The following RSRP1 variants were observed in gnomAD, a reference collection of about 807,000 sequenced individuals.
RSRP1 encodes arginine and serine rich protein 1, also known as arginine/serine-rich protein 1.
A neutral mutation model predicts 33.0 loss-of-function variants in RSRP1; 37 were observed. The observed-to-expected ratio is 1.12, with a 90% CI of 0.86 to 1.48. The LOEUF is 1.48. RSRP1 is among the 40% of genes most tolerant of loss of function. RSRP1 has a pLI of 0.00. For synonymous variants in RSRP1, 167 were observed against 158.7 expected (o/e 1.05, Z -0.40); for missense variants, 402 against 385.3 (o/e 1.04, Z -0.36).
At chr1:25,274,282 C>T (rs1337856932) in intron 1 of RSRP1, among the ~76,000 whole-genome samples, 4 of 131,858 alleles carry the variant, frequency 3.0e-5, no homozygotes, top group East Asian at 1.9e-4. Context: ...AATAGCACAG[C>T]GTATTTAAAT....
chr1:25,260,195 G>A (rs1381993019), intron 1 of RSRP1, among the ~76,000 whole-genome samples: 1 of 152,166 alleles, frequency 6.6e-6, no homozygotes, highest in African/African-American at 2.4e-5. Flanking sequence ...CTACTATGGG[G>A]AATCTTGTTT....
Position 25,303,659 on chromosome 1 carries a change from A to C in RSRP1, c.-67+34319T>G, listed in dbSNP as rs551158005. Among the ~76,000 whole-genome samples, 111 of 131,244 alleles carry C rather than the reference A, an allele frequency of 8.5e-4. 18 individuals carry two copies. The highest frequency in any genetic ancestry group is 2.7e-3 in the African/African-American group (103 of 38,190). 86.1% of individuals were successfully genotyped at this position (131,244 alleles called of 152,430 possible). On this transcript the variant is annotated intron_variant, in intron 1 of 1. Coordinates refer to the RSRP1 transcript ENST00000561867. ...TGCTCGGGAGCAGGTGGCAGAACCCATTTGAGCTTGCTTGGGCATTGGGGA... is the reference window on the plus strand; with the variant it reads ...TGCTCGGGAGCAGGTGGCAGAACCCCTTTGAGCTTGCTTGGGCATTGGGGA...
rs28600917 is a variant in RSRP1, at chr1:25,315,590, A to G, written c.-67+22388T>C. On this transcript the variant is annotated intron_variant, in intron 1 of 1. Coordinates refer to the RSRP1 transcript ENST00000561867. ...CAGCTCACTGCAAACTCCACCTCCCAGGTTCACGCCGTTCTCCTGCCTCAG... is the reference window on the plus strand; with the variant it reads ...CAGCTCACTGCAAACTCCACCTCCCGGGTTCACGCCGTTCTCCTGCCTCAG... 8.3e-4 allele frequency among the ~76,000 whole-genome samples: 101 copies of G among 121,194 alleles called. 22 individuals carry two copies. The highest frequency in any genetic ancestry group is 4.3e-3 in the Middle Eastern group (1 of 230). The allele number at this position is 121,194 out of a possible 152,430, so 79.5% of individuals were successfully genotyped here.
intron 1 of RSRP1, among the ~76,000 whole-genome samples, chr1:25,316,230 A>AG (rs1644431414): frequency 7.7e-6 from 1 of 130,006 alleles, no homozygotes; most frequent in Non-Finnish European, 1.8e-5. Context: ...TTCAAGGGGT[A>AG]GGGATGGGCA....
At chr1:25,272,633 A>G (rs767901409) in intron 1 of RSRP1, 8 of 1,573,480 alleles carry the variant, frequency 5.1e-6, no homozygotes, top group African/African-American at 2.8e-5. Flanking sequence ...CTCCTCTTCT[A>G]TTTTTTTACC....
upstream of RSRP1, among the ~76,000 whole-genome samples, chr1:25,248,961 C>T (rs1050854711): frequency 2.0e-5 from 3 of 152,100 alleles, no homozygotes; most frequent in Non-Finnish European, 4.4e-5. Flanking sequence ...TCAGCCTGGC[C>T]AACATGGCAA....
At position 25,332,085 on chromosome 1, in the gene RSRP1, A is replaced by G. The variant is rs1292586463; in HGVS notation, c.-67+5893T>C. On this transcript the variant is annotated intron_variant, in intron 1 of 1. Transcript: ENST00000561867. The stretch of plus-strand genomic sequence containing the variant: ...AGATGGAGTCTTGCTCTGTTGCCCA[A>G]CCTGGAGTGCAGTGTTATGATTTTG... Among the ~76,000 whole-genome samples the G allele has an allele frequency of 4.3e-5, 5 of 116,256 alleles. 1 individual carries two copies. Among genetic ancestry groups the G allele is most frequent in the East Asian group, 4.2e-4 (2 of 4,806 alleles). The allele number at this position is 116,256 out of a possible 152,430, so 76.3% of individuals were successfully genotyped here. A position where few individuals can be genotyped will look rare whatever the true frequency, so the allele number is the denominator to read the frequency against.
chr1:25,285,782 T>C (rs28479952), intron 1 of RSRP1, among the ~76,000 whole-genome samples: 2,610 of 135,152 alleles, frequency 0.019, 362 homozygotes, highest in African/African-American at 0.062. Flanking sequence ...AACATTGTTT[T>C]GTTTTGTTCA....
chr1:25,306,716 G>A lies in RSRP1; in HGVS notation c.-67+31262C>T, dbSNP rs753613761. 1.4e-5 allele frequency: 19 copies of A among 1,377,466 alleles called. 4 individuals carry two copies. The highest frequency in any genetic ancestry group is 1.6e-5 in the Non-Finnish European group (16 of 978,524). 85.3% of individuals were successfully genotyped at this position (1,377,466 alleles called of 1,614,324 possible). On this transcript the variant is annotated intron_variant, in intron 1 of 1. Coordinates refer to the RSRP1 transcript ENST00000561867. ...GCTGCTGGTGCTTGATACCGTCGGA[G>A]CCGGCAATGGCATGTGGGTCACTGG...
At chr1:25,268,785 T>TA (rs1405046720) in intron 1 of RSRP1, among the ~76,000 whole-genome samples, 4 of 128,434 alleles carry the variant, frequency 3.1e-5, no homozygotes, top group Non-Finnish European at 1.8e-5. Flanking sequence ...CTGTCTCTAC[T>TA]AAAAAAACAA....
At position 25,306,422 on chromosome 1, in the gene RSRP1, C is replaced by T. The variant is rs2124691111; in HGVS notation, c.-67+31556G>A. ...ATCCACTAAAGCCAGCTCTTCATTT[C>T]AACAAACTCCCCGATGATGTGAGTG... On this transcript the variant is annotated intron_variant, in intron 1 of 1. Coordinates refer to the RSRP1 transcript ENST00000561867. Among the ~76,000 whole-genome samples the T allele has an allele frequency of 1.5e-5, 2 of 131,952 alleles. 1 individual carries two copies. The highest frequency in any genetic ancestry group is 4.6e-4 in the South Asian group (2 of 4,322). 86.6% of individuals were successfully genotyped at this position (131,952 alleles called of 152,430 possible). A position where few individuals can be genotyped will look rare whatever the true frequency, so the allele number is the denominator to read the frequency against.
At chr1:25,288,148 G>A (rs1642205160) in intron 1 of RSRP1, among the ~76,000 whole-genome samples, 1 of 132,388 alleles carries the variant, frequency 7.6e-6, no homozygotes, top group Non-Finnish European at 1.8e-5. Context: ...CTCCCAAGTA[G>A]CTGGGACTGT....
At chr1:25,332,030 G>A (rs1337043583) in intron 1 of RSRP1, among the ~76,000 whole-genome samples, 23 of 120,790 alleles carry the variant, frequency 1.9e-4, no homozygotes, top group Admixed American at 1.6e-3. Flanking sequence ...ATGAGCCACC[G>A]CGCCCAGCAG....
chr1:25,320,186 C>G lies in RSRP1; in HGVS notation c.-67+17792G>C, dbSNP rs1177188832. Among the ~76,000 whole-genome samples the G allele has an allele frequency of 3.0e-5, 4 of 132,444 alleles. No individual in the cohort carries two copies. In the East Asian group the frequency reaches 7.8e-4, roughly 26 times the overall value. The allele number at this position is 132,444 out of a possible 152,430, so 86.9% of individuals were successfully genotyped here. A position where few individuals can be genotyped will look rare whatever the true frequency, so the allele number is the denominator to read the frequency against. The stretch of plus-strand genomic sequence containing the variant: ...GTGCTGGGATTACAGGGATAAGCCA[C>G]TGCGACCGGCCGACAAATTCTTAAA... On this transcript the variant is annotated intron_variant, in intron 1 of 1. Coordinates refer to the RSRP1 transcript ENST00000561867.
chr1:25,276,433 A>C lies in RSRP1; in HGVS notation c.-66-29404T>G, dbSNP rs28592212. On this transcript the variant is annotated intron_variant, in intron 1 of 1. Transcript: ENST00000561867. ...TAGTTAATTAAAAAAAAAAAAAAAC[A>C]CCCTGGCTGAGCATTTAGGGAGGCC... 1.7e-5 allele frequency among the ~76,000 whole-genome samples: 2 copies of C among 116,352 alleles called. 1 individual carries two copies. Among genetic ancestry groups the C allele is most frequent in the Non-Finnish European group, 3.9e-5 (2 of 51,314 alleles). The allele number at this position is 116,352 out of a possible 152,430, so 76.3% of individuals were successfully genotyped here.
intron 1 of RSRP1, among the ~76,000 whole-genome samples, chr1:25,264,422 G>A (rs1026160568): frequency 6.6e-6 from 1 of 150,996 alleles, no homozygotes; most frequent in African/African-American, 2.4e-5. Flanking sequence ...CATGGAAGCT[G>A]TCAAGGCTTG....
chr1:25,308,012 G>A (rs1416160556), intron 1 of RSRP1, among the ~76,000 whole-genome samples: 1 of 91,650 alleles, frequency 1.1e-5, no homozygotes, highest in Non-Finnish European at 2.7e-5. Flanking sequence ...TCACATGCCT[G>A]TAGAGAACAG....
At chr1:25,254,812 C>T (rs1639898752) in intron 1 of RSRP1, among the ~76,000 whole-genome samples, 1 of 152,106 alleles carries the variant, frequency 6.6e-6, no homozygotes, top group South Asian at 2.1e-4. Flanking sequence ...ACACACAAAT[C>T]CAGATATGTA....
At position 25,329,024 on chromosome 1, in the gene RSRP1, T is replaced by A. The variant is rs769894940; in HGVS notation, c.-67+8954A>T. ...GTGAGAAACGCTCATGACAGCAAAG[T>A]CTCCAATGTTCGCGCAGGCACTGGA... On this transcript the variant is annotated intron_variant, in intron 1 of 1. Transcript: ENST00000561867. 2.2e-6 allele frequency: 3 copies of A among 1,378,300 alleles called. 1 individual carries two copies. Among genetic ancestry groups the A allele is most frequent in the Non-Finnish European group, 3.1e-6 (3 of 978,698 alleles). The allele number at this position is 1,378,300 out of a possible 1,614,324, so 85.4% of individuals were successfully genotyped here.
Sources: allele counts gnomAD v4.1 joint callset (sites outside exome capture counted in the v4.1 genomes callset), GRCh38; gene constraint gnomAD v4.1.1; transcripts MANE v1.5; gene names NCBI Gene and HGNC (gene_info 2026-07-23, HGNC 2026-07-21).